Variants in MMEL1 observed in about 807,000 individuals in gnomAD.
The protein encoded by MMEL1 is membrane metallo-endopeptidase-like 1.
A neutral mutation model predicts 117.1 loss-of-function variants in MMEL1; 98 were observed. The ratio of observed to expected loss-of-function variants is 0.84; its 90% CI spans 0.71 to 0.99. The LOEUF (loss-of-function observed/expected upper bound fraction) is 0.99. Ranked by LOEUF, MMEL1 falls within the 50% of genes least tolerant of loss-of-function variation. The pLI, the probability that MMEL1 is intolerant of heterozygous loss-of-function variation, is 0.00. For synonymous variants in MMEL1, 390 were observed against 415.1 expected (o/e 0.94, Z 0.74); for missense variants, 1,014 against 1,049.1 (o/e 0.97, Z 0.46).
intron 2 of MMEL1, among the ~76,000 whole-genome samples, chr1:2,619,813 GACATA>G (rs1246482224): frequency 2.6e-5 from 4 of 152,102 alleles, no homozygotes; most frequent in African/African-American, 9.7e-5. Flanking sequence ...TTAAGCAACA[GACATA>G]ACAGAACAGA....
chr1:2,609,429 C>T lies in MMEL1; in HGVS notation c.455-10G>A, dbSNP rs1319776969. On this transcript the variant is annotated splice_polypyrimidine_tract_variant and intron_variant, in intron 5 of 23. Coordinates refer to ENST00000378412, the MANE Select transcript of MMEL1 (RefSeq NM_033467.4). ...GAATTCTCCAGCACCGCTGTGGGCA[C>T]AGGAAAAGGTTGGACAGAGGCCTGA... 1 of 1,607,604 alleles carries T rather than the reference C, an allele frequency of 6.2e-7. No homozygotes were observed. Among genetic ancestry groups the T allele is most frequent in the Admixed American group, 1.7e-5 (1 of 59,194 alleles).
Position 2,603,826 on chromosome 1 carries a change from A to C in MMEL1, c.1041+58T>G, listed in dbSNP as rs1173843393. On this transcript the variant is annotated intron_variant, in intron 11 of 23. Transcript: ENST00000378412. ...CGTGCCCTCTCAGAGGGCCGCTTCC[A>C]TGTCCCCCACGAGTCTCCACCCGGC... The C allele has an allele frequency of 2.0e-6, 3 of 1,518,958 alleles. No homozygotes were observed. In the African/African-American group the frequency reaches 4.1e-5, roughly 21 times the overall value. The allele number at this position is 1,518,958 out of a possible 1,614,324, so 94.1% of individuals were successfully genotyped here. A position where few individuals can be genotyped will look rare whatever the true frequency, so the allele number is the denominator to read the frequency against.
chr1:2,611,356 A>C lies in MMEL1; in HGVS notation c.233-16T>G. ...TCTGGGATCCCTGCGGGCAAGGAGC[A>C]GCCTGAGCACCGGGAGCCACGGAGA... On this transcript the variant is annotated splice_polypyrimidine_tract_variant and intron_variant, in intron 3 of 23. Transcript: ENST00000378412. The C allele has an allele frequency of 6.6e-7, 1 of 1,508,720 alleles. No individual in the cohort carries two copies. The highest frequency in any genetic ancestry group is 1.3e-5 in the South Asian group (1 of 77,070). The allele number at this position is 1,508,720 out of a possible 1,614,324, so 93.5% of individuals were successfully genotyped here.
At position 2,592,674 on chromosome 1, in the gene MMEL1, C is replaced by A. The variant is rs1339171097; in HGVS notation, c.2048G>T (p.Gly683Val). 2 of 1,608,488 alleles carry A rather than the reference C, an allele frequency of 1.2e-6. No individual in the cohort carries two copies. The highest frequency in any genetic ancestry group is 1.4e-5 in the African/African-American group (1 of 74,030). ...TLGENIADNG[G>V]VRQAYKAYLK... ...CCCCACCTTATAGGCTTGCCGCACC[C>A]CTCCGTTGTCAGCAATGTTTTCCCC... Residue 683 changes from glycine to valine, a missense_variant, in exon 21 of 24, where the codon GGG becomes GTG. Coordinates refer to ENST00000378412, the MANE Select transcript of MMEL1 (RefSeq NM_033467.4).
chr1:2,592,816 C>T lies in MMEL1; in HGVS notation c.2001+17G>A, dbSNP rs755533454. The T allele has an allele frequency of 6.2e-7, 1 of 1,613,168 alleles. No homozygotes were observed. Among genetic ancestry groups the T allele is most frequent in the East Asian group, 2.2e-5 (1 of 44,804 alleles). ...CTCCGGTACCCCCGCAGCCTGGGTG[C>T]TGGTGGCAGCGCTCACGTTCTGTTC... On this transcript the variant is annotated intron_variant, in intron 20 of 23. Coordinates refer to ENST00000378412, the MANE Select transcript of MMEL1 (RefSeq NM_033467.4).
intron 11 of MMEL1, 84 bp from the exon 12 acceptor site, chr1:2,598,874 T>C: frequency 1.1e-5 from 13 of 1,201,892 alleles, no homozygotes; most frequent in Non-Finnish European, 1.5e-5. Flanking sequence ...CCAGCCCCTG[T>C]TGAAGAATGT....
Position 2,606,991 on chromosome 1 carries a change from C to G in MMEL1, c.614G>C (p.Arg205Thr). The G allele has an allele frequency of 6.2e-7, 1 of 1,613,114 alleles. No homozygotes were observed. The highest frequency in any genetic ancestry group is 8.5e-7 in the Non-Finnish European group (1 of 1,179,954). The change falls in exon 7 of 24, where the codon AGG becomes ACG. Residue 205 changes from arginine to threonine, a missense_variant. Coordinates refer to ENST00000378412, the MANE Select transcript of MMEL1 (RefSeq NM_033467.4). Reference sequence around the variant, plus strand: ...GGCCTTACCTACGGTCTCGTTCCACCTGTCCATCGCCACCGGCCAGCCTCC... The same window carrying G: ...GGCCTTACCTACGGTCTCGTTCCACGTGTCCATCGCCACCGGCCAGCCTCC... ...VVGGWPVAMD[R>T]WNETVGLEWE...
In MMEL1 at chr1:2,629,508, C is replaced by T; in HGVS notation, c.-24G>A. 6.9e-7 allele frequency: 1 copy of T among 1,450,538 alleles called. No homozygotes were observed. Among genetic ancestry groups the T allele is most frequent in the South Asian group, 1.4e-5 (1 of 73,958 alleles). 89.9% of individuals were successfully genotyped at this position (1,450,538 alleles called of 1,614,324 possible). On this transcript the variant is annotated 5_prime_UTR_variant, in exon 2 of 24. Transcript: ENST00000378412. The stretch of plus-strand genomic sequence containing the variant: ...ATCAGCAGGGCTCTGGACGGGAGAG[C>T]ACCGCGGAGGAACCTGCAGGCCCAG...
rs35881431 is a variant in MMEL1, at chr1:2,617,426, CAAA to C, written c.155-5225_155-5223del. Among the ~76,000 whole-genome samples the C allele has an allele frequency of 7.1e-4, 40 of 56,116 alleles. 1 individual carries two copies. Among genetic ancestry groups the C allele is most frequent in the African/African-American group, 9.2e-4 (12 of 13,006 alleles). The allele number at this position is 56,116 out of a possible 152,430, so 36.8% of individuals were successfully genotyped here. ...TGGGCGACAGAGAGAGACTCCGTCTCAAAAAAAAAAAAAAAAAAAAAAAATTAG... is the reference window on the plus strand; with the variant it reads ...TGGGCGACAGAGAGAGACTCCGTCTCAAAAAAAAAAAAAAAAAAAAATTAG... On this transcript the variant is annotated intron_variant, in intron 2 of 23. Transcript: ENST00000378412.
intron 7 of MMEL1, among the ~76,000 whole-genome samples, chr1:2,606,736 G>A (rs544014440): frequency 6.6e-6 from 1 of 152,236 alleles, no homozygotes; most frequent in South Asian, 2.1e-4. Flanking sequence ...CCGAGGAGGG[G>A]CACCCCTCTG....
At chr1:2,620,479 T>C (rs1442699079) in intron 2 of MMEL1, among the ~76,000 whole-genome samples, 5 of 152,230 alleles carry the variant, frequency 3.3e-5, no homozygotes, top group Admixed American at 2.0e-4. Context: ...TTCAGAGGTC[T>C]TACCCTACAA....
At chr1:2,606,147 G>T in intron 8 of MMEL1, 101 bp downstream of exon 8, 1 of 912,848 alleles carries the variant, frequency 1.1e-6, no homozygotes. Flanking sequence ...AGGAGACCCC[G>T]GAGCTCCCTG....
In MMEL1 at chr1:2,592,669, G is replaced by A. The variant is rs1248378216; in HGVS notation, c.2053C>T (p.Arg685Trp). 11 of 1,558,770 alleles carry A rather than the reference G, an allele frequency of 7.1e-6. No individual in the cohort carries two copies. The highest frequency in any genetic ancestry group is 1.7e-4 in the Middle Eastern group (1 of 5,846). The part of the protein sequence containing the change: ...GENIADNGGV[R>W]QAYKAYLKWM... ...CCAGGCCCCACCTTATAGGCTTGCC[G>A]CACCCCTCCGTTGTCAGCAATGTTT... Residue 685 changes from arginine to tryptophan, a missense_variant, in exon 21 of 24, where the codon CGG becomes TGG. Coordinates refer to ENST00000378412, the MANE Select transcript of MMEL1 (RefSeq NM_033467.4).
intron 11 of MMEL1, among the ~76,000 whole-genome samples, chr1:2,601,722 G>A (rs571699899): frequency 1.1e-4 from 17 of 152,304 alleles, no homozygotes; most frequent in Admixed American, 9.2e-4. Flanking sequence ...GAGAAAGATC[G>A]CCCGATAGAA....
intron 6 of MMEL1, among the ~76,000 whole-genome samples, 184 bp downstream of exon 6, chr1:2,609,155 T>G (rs114808791): frequency 0.012 from 1,754 of 152,002 alleles, 35 homozygotes; most frequent in African/African-American, 0.04. Context: ...CAGCTGGCAT[T>G]ACTGCGAGCC....
intron 2 of MMEL1, among the ~76,000 whole-genome samples, chr1:2,617,792 T>C (rs1173117420): frequency 6.6e-6 from 1 of 152,168 alleles, no homozygotes; most frequent in East Asian, 1.9e-4. Context: ...TTTGACACAA[T>C]GGCTGAAAAG....
In MMEL1 at chr1:2,598,763, T is replaced by G. The variant is rs1213631571; in HGVS notation, c.1069A>C (p.Thr357Pro). The change falls in exon 12 of 24, where the codon ACT (threonine) becomes CCT (proline). Residue 357 changes from threonine (T) to proline (P), a missense_variant. Physicochemically the swap from Thr to Pro is conservative, Grantham distance 38. Coordinates refer to ENST00000378412, the MANE Select transcript of MMEL1 (RefSeq NM_033467.4). ...KGFNWTLFIQTVLSSVKIKLL... is the reference protein window; with the variant it reads ...KGFNWTLFIQPVLSSVKIKLL... Reference sequence around the variant, plus strand: ...TTGATTTTGACAGAGGATAGCACAGTTTGTATGAACAGAGTCCAGTTAAAT... The same window carrying G: ...TTGATTTTGACAGAGGATAGCACAGGTTGTATGAACAGAGTCCAGTTAAAT... 6.2e-7 allele frequency: 1 copy of G among 1,613,728 alleles called. No individual in the cohort carries two copies. The highest frequency in any genetic ancestry group is 1.1e-5 in the South Asian group (1 of 91,040).
intron 14 of MMEL1, 67 bp from the exon 15 acceptor site, chr1:2,596,174 T>G: frequency 6.9e-7 from 1 of 1,440,054 alleles, no homozygotes; most frequent in Non-Finnish European, 9.7e-7. Context: ...CCTCAAGGGC[T>G]TTGGGGAGGT....
chr1:2,598,333 C>T (rs749172614), intron 12 of MMEL1, 33 bp from the exon 13 acceptor site: 7 of 1,602,050 alleles, frequency 4.4e-6, no homozygotes, highest in Middle Eastern at 1.7e-4. Context: ...GAGGGGAGAA[C>T]AGGTGAGAGG....
Sources: allele counts gnomAD v4.1 joint callset (sites outside exome capture counted in the v4.1 genomes callset), GRCh38; gene constraint gnomAD v4.1.1; transcripts MANE v1.5; gene names NCBI Gene and HGNC (gene_info 2026-07-23, HGNC 2026-07-21).